IGF1R: variants seen among roughly 807,000 people sequenced by gnomAD.
IGF1R encodes the protein insulin-like growth factor 1 receptor.
Under a neutral mutation model 144.6 loss-of-function variants are expected in IGF1R, and 44 were observed. That is an observed-to-expected ratio of 0.30 (90% CI 0.24 to 0.39). The LOEUF (loss-of-function observed/expected upper bound fraction) is 0.39, where lower values mean the gene tolerates loss of function less well. Among genes scored for constraint, IGF1R ranks in the 10% least tolerant of loss-of-function variants. The pLI, the probability that IGF1R is intolerant of heterozygous loss-of-function variation, is 1.00. For synonymous variants in IGF1R, 795 were observed against 722.8 expected, an observed-to-expected ratio of 1.10 and a Z score of -1.60; for missense variants, 1,355 against 1,833.7, an observed-to-expected ratio of 0.74 and a Z score of 4.77.
At chr15:98,681,745 A>G (rs549161541) in intron 1 of IGF1R, among the ~76,000 whole-genome samples, 2 of 152,292 alleles carry the variant, frequency 1.3e-5, no homozygotes, top group African/African-American at 4.8e-5. Flanking sequence ...AGTCTGGTTC[A>G]GTTGGTTTGA....
intron 2 of IGF1R, among the ~76,000 whole-genome samples, chr15:98,794,686 T>C (rs563998895): frequency 5.4e-4 from 83 of 152,364 alleles, no homozygotes; most frequent in African/African-American, 1.9e-3. Flanking sequence ...AAATGTTTGC[T>C]GCTATTTGGT....
In IGF1R at chr15:98,962,730, C is replaced by CTTGA. The variant is rs574643297; in HGVS notation, c.*5292_*5295dup. 5.6e-5 allele frequency: 13 copies of CTTGA among 233,448 alleles called. No homozygotes were observed. In the East Asian group the frequency reaches 7.8e-4, roughly 14 times the overall value. 14.5% of individuals were successfully genotyped at this position (233,448 alleles called of 1,614,324 possible). On this transcript the variant is annotated 3_prime_UTR_variant, in exon 21 of 21. Coordinates refer to ENST00000650285, the MANE Select transcript of IGF1R (RefSeq NM_000875.5). ...GAAGGAATGTGGGCAAGGTTTTGAACTTGATTGTTCTTGAAGCTATCAGAC... is the reference window on the plus strand; with the variant it reads ...GAAGGAATGTGGGCAAGGTTTTGAACTTGATTGATTGTTCTTGAAGCTATCAGAC...
chr15:98,916,560 C>A, intron 9 of IGF1R, 112 bp from the exon 10 acceptor site: 1 of 996,448 alleles, frequency 1.0e-6, no homozygotes, highest in Non-Finnish European at 1.6e-6. Context: ...CCACATCTGG[C>A]CGAGACCAGC....
chr15:98,891,524 C>G lies in IGF1R; in HGVS notation c.840C>G (p.Asp280Glu), dbSNP rs747107423. The G allele has an allele frequency of 6.2e-7, 1 of 1,613,384 alleles. No homozygotes were observed. Among genetic ancestry groups the G allele is most frequent in the East Asian group, 2.2e-5 (1 of 44,884 alleles). The change falls in exon 3 of 21, where the codon GAC (aspartate) becomes GAG (glutamate). Residue 280 changes from aspartate to glutamate, a missense_variant. By Grantham distance (45) the Asp-to-Glu change is conservative. Transcript: ENST00000650285. This position sits in a 1 kb window ranked among gnomAD's most constrained non-coding sequence, Gnocchi z 4.7. The stretch of plus-strand genomic sequence containing the variant: ...AGGGCTGGCGCTGTGTGGACCGTGA[C>G]TTCTGCGCCAACATCCTCAGCGCCG... ...RFEGWRCVDR[D>E]FCANILSAES...
chr15:98,902,704 A>G (rs964516577), intron 5 of IGF1R, among the ~76,000 whole-genome samples: 1 of 152,112 alleles, frequency 6.6e-6, no homozygotes, highest in African/African-American at 2.4e-5. Flanking sequence ...TTGAGCCACC[A>G]CGCCCGGCCT....
intron 2 of IGF1R, among the ~76,000 whole-genome samples, chr15:98,862,570 C>G (rs2012216388): frequency 6.6e-6 from 1 of 152,164 alleles, no homozygotes; most frequent in South Asian, 2.1e-4. Context: ...AGGGATTCAC[C>G]TTATTTATTA....
chr15:98,912,008 T>A (rs775572061), intron 7 of IGF1R, among the ~76,000 whole-genome samples: 1 of 152,234 alleles, frequency 6.6e-6, no homozygotes, highest in African/African-American at 2.4e-5. Context: ...TAGACTCTGT[T>A]GGGAGCTTTT....
At chr15:98,830,073 C>T (rs1432563479) in intron 2 of IGF1R, among the ~76,000 whole-genome samples, 2 of 152,158 alleles carry the variant, frequency 1.3e-5, no homozygotes, top group African/African-American at 2.4e-5. Flanking sequence ...GTTGTTTGTC[C>T]CTGCTGTGTC....
intron 2 of IGF1R, among the ~76,000 whole-genome samples, chr15:98,834,934 G>T (rs1166117148): frequency 6.6e-6 from 1 of 152,126 alleles, no homozygotes; most frequent in African/African-American, 2.4e-5. Flanking sequence ...TCCAGGGCAC[G>T]CCCAGACACC....
intron 2 of IGF1R, among the ~76,000 whole-genome samples, chr15:98,817,713 A>T (rs553196559): frequency 6.6e-6 from 1 of 152,338 alleles, no homozygotes; most frequent in East Asian, 1.9e-4. Flanking sequence ...TGGGTGGCTT[A>T]AACAATAGAC....
At chr15:98,750,027 A>AGGGATATG in intron 2 of IGF1R, among the ~76,000 whole-genome samples, 1 of 152,072 alleles carries the variant, frequency 6.6e-6, no homozygotes, top group Admixed American at 6.5e-5. Context: ...CTTACCTCTA[A>AGGGATATG]GGGATATGAA....
chr15:98,918,672 C>T (rs925660029), intron 10 of IGF1R, among the ~76,000 whole-genome samples: 1 of 151,988 alleles, frequency 6.6e-6, no homozygotes, highest in African/African-American at 2.4e-5. Flanking sequence ...CAAGATCAGG[C>T]GTTCGAGACC....
chr15:98,784,802 T>TA (rs2055951227), intron 2 of IGF1R, among the ~76,000 whole-genome samples: 1 of 152,190 alleles, frequency 6.6e-6, no homozygotes, highest in African/African-American at 2.4e-5. Flanking sequence ...TTGGGTATTG[T>TA]AAGCTAGAGA....
Position 98,962,178 on chromosome 15 carries a change from G to T in IGF1R, c.*4736G>T, listed in dbSNP as rs535253319. The stretch of plus-strand genomic sequence containing the variant: ...CTTGTCTAGTGTTCTTAGCTGTCAC[G>T]TTGGCTCCTTCCAGGGTGGCCAGAC... On this transcript the variant is annotated 3_prime_UTR_variant, in exon 21 of 21. Transcript: ENST00000650285. 8.6e-6 allele frequency: 2 copies of T among 233,206 alleles called. No homozygotes were observed. Among genetic ancestry groups the T allele is most frequent in the Non-Finnish European group, 1.7e-5 (2 of 118,070 alleles). The allele number at this position is 233,206 out of a possible 1,614,324, so 14.4% of individuals were successfully genotyped here. A position where few individuals can be genotyped will look rare whatever the true frequency, so the allele number is the denominator to read the frequency against.
chr15:98,696,351 C>T (rs964198916), intron 1 of IGF1R, among the ~76,000 whole-genome samples: 1 of 152,154 alleles, frequency 6.6e-6, no homozygotes, highest in East Asian at 1.9e-4. Context: ...GACCTGTGGC[C>T]TCCCACTAGA....
chr15:98,820,756 A>T (rs2056786562), intron 2 of IGF1R: 1 of 152,260 alleles, frequency 6.6e-6, no homozygotes, highest in Non-Finnish European at 1.5e-5. Context: ...ATATTAATTT[A>T]ATGACATGGG....
At chr15:98,881,169 G>C (rs1231849343) in intron 2 of IGF1R, among the ~76,000 whole-genome samples, 1 of 152,172 alleles carries the variant, frequency 6.6e-6, no homozygotes, top group Non-Finnish European at 1.5e-5. Context: ...ATGTTGCCTG[G>C]GTTTTGTCCT....
At chr15:98,729,521 G>T (rs1401757419) in intron 2 of IGF1R, among the ~76,000 whole-genome samples, 2 of 146,150 alleles carry the variant, frequency 1.4e-5, no homozygotes, top group African/African-American at 2.5e-5. Context: ...TCTGTTTTCT[G>T]TTTTCTTCAT....
At chr15:98,736,509 G>A (rs2054611847) in intron 2 of IGF1R, among the ~76,000 whole-genome samples, 3 of 152,084 alleles carry the variant, frequency 2.0e-5, no homozygotes, top group Admixed American at 6.5e-5. Context: ...TCGTAACTTC[G>A]TGAAATTGGA....
Sources: gnomAD v4.1 joint callset for allele counts (sites outside exome capture counted in the v4.1 genomes callset) on GRCh38, gnomAD v4.1.1 for gene constraint, Gnocchi (gnomAD v3.1) non-coding constraint, MANE v1.5 for transcripts, NCBI Gene and HGNC (gene_info 2026-07-23, HGNC 2026-07-21) for gene names.